Variants in NCAM2 observed in about 807,000 individuals in gnomAD.
NCAM2 encodes neural cell adhesion molecule 2.
A neutral mutation model predicts 98.1 loss-of-function variants in NCAM2; 30 were observed. The observed-to-expected ratio is 0.31, with a 90% CI of 0.23 to 0.41. NCAM2 has a LOEUF of 0.41. NCAM2 is among the 10% of genes least tolerant of loss of function. The pLI, the probability that NCAM2 is intolerant of heterozygous loss-of-function variation, is 1.00. For synonymous variants in NCAM2, 368 were observed against 342.4 expected (o/e 1.07, Z -0.83); for missense variants, 867 against 1,005.8 (o/e 0.86, Z 1.87).
chr21:21,441,446 A>G (rs1030962953), intron 12 of NCAM2, among the ~76,000 whole-genome samples: 2 of 152,228 alleles, frequency 1.3e-5, no homozygotes, highest in Non-Finnish European at 2.9e-5. Flanking sequence ...CAACAAATAT[A>G]TACTTAGTAT....
intron 1 of NCAM2, among the ~76,000 whole-genome samples, chr21:21,071,833 A>G (rs1242917095): frequency 6.6e-6 from 1 of 152,182 alleles, no homozygotes; most frequent in Non-Finnish European, 1.5e-5. Context: ...TTAGCTACAT[A>G]ATAAAGTGTA....
At chr21:21,169,936 G>T (rs2068067935) in intron 1 of NCAM2, among the ~76,000 whole-genome samples, 1 of 152,076 alleles carries the variant, frequency 6.6e-6, no homozygotes, top group Non-Finnish European at 1.5e-5. Context: ...TGAAGCCTGG[G>T]TGAGAGTGAG....
At chr21:21,246,862 A>G (rs2071289739) in intron 1 of NCAM2, among the ~76,000 whole-genome samples, 1 of 152,182 alleles carries the variant, frequency 6.6e-6, no homozygotes, top group African/African-American at 2.4e-5. Context: ...ATGGATGGGA[A>G]GACTAAGGCA....
intron 15 of NCAM2, among the ~76,000 whole-genome samples, chr21:21,479,211 T>C (rs1338094862): frequency 2.0e-5 from 3 of 152,052 alleles, no homozygotes; most frequent in East Asian, 3.9e-4. Context: ...TTTAATAACA[T>C]AGATAAAACA....
intron 9 of NCAM2, among the ~76,000 whole-genome samples, chr21:21,395,876 A>C (rs2076494331): frequency 6.6e-6 from 1 of 152,198 alleles, no homozygotes; most frequent in African/African-American, 2.4e-5. Context: ...GATAGATCAA[A>C]GACTTAAATC....
intron 9 of NCAM2, among the ~76,000 whole-genome samples, chr21:21,377,094 C>G (rs2076050798): frequency 6.6e-6 from 1 of 151,420 alleles, no homozygotes; most frequent in South Asian, 2.1e-4. Flanking sequence ...ATCATTTTTC[C>G]TTTTTTTCCA....
intron 1 of NCAM2, among the ~76,000 whole-genome samples, chr21:21,105,748 T>G (rs2066330763): frequency 6.6e-6 from 1 of 152,172 alleles, no homozygotes; most frequent in South Asian, 2.1e-4. Context: ...TAAATTGATA[T>G]AGAGTCTCTA....
chr21:21,055,829 T>C (rs190851686), intron 1 of NCAM2, among the ~76,000 whole-genome samples: 4 of 152,226 alleles, frequency 2.6e-5, no homozygotes, highest in Admixed American at 2.6e-4. Flanking sequence ...GTAGATTTGA[T>C]GTGTGAAGTG....
chr21:21,032,771 C>T (rs934950228), intron 1 of NCAM2, among the ~76,000 whole-genome samples: 8 of 151,996 alleles, frequency 5.3e-5, no homozygotes, highest in African/African-American at 1.5e-4. Context: ...TGTTAAGGTA[C>T]ATTAATGGTT....
chr21:21,021,325 G>A (rs991155086), intron 1 of NCAM2, among the ~76,000 whole-genome samples: 8 of 152,104 alleles, frequency 5.3e-5, no homozygotes, highest in Non-Finnish European at 8.8e-5. Flanking sequence ...ATTCTGCCAT[G>A]CTCTATTTTA....
intron 1 of NCAM2, among the ~76,000 whole-genome samples, chr21:21,240,668 A>C (rs1258280012): frequency 6.6e-6 from 1 of 152,144 alleles, no homozygotes; most frequent in Non-Finnish European, 1.5e-5. Flanking sequence ...TTTTATTTTT[A>C]TATCTACCAT....
chr21:21,140,070 A>G (rs1424778145), intron 1 of NCAM2, among the ~76,000 whole-genome samples: 1 of 152,198 alleles, frequency 6.6e-6, no homozygotes, highest in African/African-American at 2.4e-5. Context: ...TTTCTGTTTC[A>G]AGAGTATTTT....
At chr21:21,396,426 C>G (rs1290806169) in intron 9 of NCAM2, among the ~76,000 whole-genome samples, 2 of 152,316 alleles carry the variant, frequency 1.3e-5, no homozygotes, top group Middle Eastern at 3.4e-3. Context: ...ACTAGTAACA[C>G]TGTCATGGGA....
At chr21:21,465,490 A>G (rs1162251882) in intron 12 of NCAM2, among the ~76,000 whole-genome samples, 1 of 152,014 alleles carries the variant, frequency 6.6e-6, no homozygotes, top group South Asian at 2.1e-4. Context: ...GCAAGGAAGT[A>G]TCACAACAAA....
chr21:21,074,691 T>C (rs1031853545), intron 1 of NCAM2, among the ~76,000 whole-genome samples: 1 of 152,106 alleles, frequency 6.6e-6, no homozygotes, highest in African/African-American at 2.4e-5. Context: ...ATCCCTACAA[T>C]TAGATGGGTC....
At chr21:21,143,175 A>G (rs190808988) in intron 1 of NCAM2, among the ~76,000 whole-genome samples, 32 of 152,254 alleles carry the variant, frequency 2.1e-4, no homozygotes, top group African/African-American at 7.5e-4. Context: ...TATTTAGCCA[A>G]CCCCTGCTTA....
intron 5 of NCAM2, among the ~76,000 whole-genome samples, chr21:21,309,903 A>T (rs2073993224): frequency 6.6e-6 from 1 of 152,200 alleles, no homozygotes; most frequent in Non-Finnish European, 1.5e-5. Flanking sequence ...CAAAGTCTTG[A>T]AAAACAGTTG....
intron 1 of NCAM2, among the ~76,000 whole-genome samples, chr21:21,071,875 CTAT>C (rs2065573898): frequency 8.2e-5 from 1 of 12,138 alleles, no homozygotes; most frequent in African/African-American, 1.9e-4. Flanking sequence ...GTCTGCCTAT[CTAT>C]CTATCTATCT....
chr21:21,258,278 G>T (rs1441334303), intron 1 of NCAM2, among the ~76,000 whole-genome samples: 4 of 152,040 alleles, frequency 2.6e-5, no homozygotes, highest in Non-Finnish European at 4.4e-5. Context: ...AATATTGAGG[G>T]GATTTTCAAG....
Sources: allele counts gnomAD v4.1 joint callset (sites outside exome capture counted in the v4.1 genomes callset), GRCh38; gene constraint gnomAD v4.1.1; transcripts MANE v1.5; gene names NCBI Gene and HGNC (gene_info 2026-07-23, HGNC 2026-07-21).